Variants in PRKAG1 observed in about 807,000 individuals in gnomAD.
PRKAG1 encodes the protein protein kinase AMP-activated non-catalytic subunit gamma 1.
Under a neutral mutation model 48.2 loss-of-function variants are expected in PRKAG1, and 27 were observed. The ratio of observed to expected loss-of-function variants is 0.56; its 90% CI spans 0.41 to 0.77. The LOEUF is 0.77. PRKAG1 is among the 30% of genes least tolerant of loss of function. The pLI, the probability that PRKAG1 is intolerant of heterozygous loss-of-function variation, is 0.00. For synonymous variants in PRKAG1, 130 were observed against 147.7 expected, an observed-to-expected ratio of 0.88 and a Z score of 0.87; for missense variants, 287 against 398.3, an observed-to-expected ratio of 0.72 and a Z score of 2.38.
intron 2 of PRKAG1, among the ~76,000 whole-genome samples, chr12:49,006,973 AAAAT>A (rs759230482): frequency 1.3e-5 from 2 of 150,236 alleles, no homozygotes; most frequent in African/African-American, 2.5e-5. Context: ...CCGTGTCAAA[AAAAT>A]AAATAAATAA....
intron 1 of PRKAG1, chr12:49,016,792 T>C (rs558300970): frequency 3.6e-5 from 8 of 224,826 alleles, no homozygotes; most frequent in Non-Finnish European, 6.3e-5. Flanking sequence ...GCTATGAACA[T>C]TCCTAAAGGA....
intron 1 of PRKAG1, among the ~76,000 whole-genome samples, chr12:49,014,169 C>A (rs10875911): frequency 0.28 from 42,905 of 152,108 alleles, 6,884 homozygotes; most frequent in East Asian, 0.42. Context: ...CAGGCATGAG[C>A]CACCACGCCC....
chr12:49,009,658 G>C (rs1941680662), intron 2 of PRKAG1, among the ~76,000 whole-genome samples: 1 of 152,070 alleles, frequency 6.6e-6, no homozygotes, highest in Non-Finnish European at 1.5e-5. Flanking sequence ...TGTTGCCCAG[G>C]CTGGAGTGCA....
chr12:49,005,384 CCT>C lies in PRKAG1; in HGVS notation c.251-22_251-21del. On this transcript the variant is annotated intron_variant, in intron 4 of 11. Coordinates refer to ENST00000548065, the MANE Select transcript of PRKAG1 (RefSeq NM_002733.5). The surrounding 1 kb of genome is among the most constrained non-coding windows in gnomAD (Gnocchi z 4.1). ...GCATGCCTAGAGGACAAGACAGAGC[CCT>C]CAGCACTGCCTGAAGCTTGTCTCCC... The C allele has an allele frequency of 6.2e-7, 1 of 1,614,000 alleles. No homozygotes were observed.
chr12:49,003,318 G>A, intron 10 of PRKAG1, 28 bp from the exon 11 acceptor site: 3 of 1,613,512 alleles, frequency 1.9e-6, no homozygotes, highest in Non-Finnish European at 2.5e-6. Flanking sequence ...GGAGCTTGCA[G>A]GGAAGCAAGA....
At chr12:49,004,099 G>A in intron 8 of PRKAG1, 177 bp from the exon 9 acceptor site, 1 of 788,406 alleles carries the variant, frequency 1.3e-6, no homozygotes, top group South Asian at 2.1e-5. Context: ...AGACCAGCCT[G>A]GGCAACATGG....
Position 49,002,710 on chromosome 12 carries a change from G to A in PRKAG1, c.*189C>T. 1.4e-6 allele frequency: 1 copy of A among 703,174 alleles called. No individual in the cohort carries two copies. Among genetic ancestry groups the A allele is most frequent in the Non-Finnish European group, 2.6e-6 (1 of 391,242 alleles). 43.6% of individuals were successfully genotyped at this position (703,174 alleles called of 1,614,324 possible). On this transcript the variant is annotated 3_prime_UTR_variant, in exon 12 of 12. Coordinates refer to ENST00000548065, the MANE Select transcript of PRKAG1 (RefSeq NM_002733.5). ...AAGTTTTTTCAAGTGTATGTGTGAG[G>A]GTAAGGGTAGCTATAAATCCATTCT...
At position 49,002,975 on chromosome 12, in the gene PRKAG1, T is replaced by C. The variant is rs1941348270; in HGVS notation, c.920A>G (p.Asp307Gly). The change falls in exon 12 of 12, where the codon GAT becomes GGT. Residue 307 changes from aspartate to glycine, a missense_variant. Transcript: ENST00000548065. Reference protein sequence around the residue: ...VHRLVVVDENDVVKGIVSLSD... With the variant: ...VHRLVVVDENGVVKGIVSLSD... ...CAGTGATACAATTCCCTTGACCACA[T>C]CATTTTCATCCACCACTACAAGTCG... 2 of 1,614,184 alleles carry C rather than the reference T, an allele frequency of 1.2e-6. No individual in the cohort carries two copies. Among genetic ancestry groups the C allele is most frequent in the East Asian group, 4.5e-5 (2 of 44,876 alleles).
At chr12:49,004,356 C>A (rs1941428501) in intron 8 of PRKAG1, 151 bp downstream of exon 8, 2 of 957,514 alleles carry the variant, frequency 2.1e-6, no homozygotes, top group Admixed American at 2.3e-5. Flanking sequence ...GTAATCCTAG[C>A]ACTTTGGGAG....
rs199635145 is a variant in PRKAG1, at chr12:49,004,594, G to T, written c.450C>A (p.Ile150=). 2 of 1,613,994 alleles carry T rather than the reference G, an allele frequency of 1.2e-6. No individual in the cohort carries two copies. Among genetic ancestry groups the T allele is most frequent in the Non-Finnish European group, 1.7e-6 (2 of 1,180,012 alleles). Residue 150 remains isoleucine, a synonymous_variant, in exon 8 of 12, where the codon ATC becomes ATA. Coordinates refer to ENST00000548065, the MANE Select transcript of PRKAG1 (RefSeq NM_002733.5). ...DAVSSLIRNK[I]HRLPVIDPES... is the part of the protein sequence containing the mutation. The stretch of plus-strand genomic sequence containing the variant: ...CTGGGTCAATAACTGGCAGCCTGTG[G>T]ATCTTGTTCCGAATTAATGAAGAGA...
chr12:49,017,149 G>A (rs1182759157), intron 1 of PRKAG1: 1 of 455,938 alleles, frequency 2.2e-6, no homozygotes, highest in Admixed American at 2.3e-5. Flanking sequence ...TTGCTGGCTT[G>A]CCCTCACCAT....
At chr12:49,008,805 C>CT (rs1255592102) in intron 2 of PRKAG1, among the ~76,000 whole-genome samples, 2 of 152,156 alleles carry the variant, frequency 1.3e-5, no homozygotes, top group African/African-American at 4.8e-5. Flanking sequence ...GCAATTCTGA[C>CT]TTTTTGTATG....
In PRKAG1 at chr12:49,013,065, G is replaced by T. The variant is rs1227613125; in HGVS notation, c.55C>A (p.Gln19Lys). The part of the protein sequence containing the change: ...SSPAVENEHP[Q>K]ETPESNNSVY... The stretch of plus-strand genomic sequence containing the variant: ...TTCCTTTCTTCAGTAAACTTACCTT[G>T]AGGATGCTCATTTTCCACAGCTGGG... Residue 19 changes from glutamine to lysine, a missense_variant, in exon 2 of 12, where the codon CAA becomes AAA. Gln to Lys is a moderately conservative substitution (Grantham distance 53). Transcript: ENST00000548065. 3.1e-6 allele frequency: 5 copies of T among 1,612,504 alleles called. No individual in the cohort carries two copies. The South Asian group carries it at 5.5e-5, about 18-fold the overall frequency.
intron 1 of PRKAG1, chr12:49,017,103 C>T (rs1942006366): frequency 4.4e-6 from 2 of 455,070 alleles, no homozygotes; most frequent in Admixed American, 2.4e-5. Flanking sequence ...ATATTGATGA[C>T]AGCATTTATT....
intron 2 of PRKAG1, among the ~76,000 whole-genome samples, chr12:49,011,366 C>A (rs921619557): frequency 1.3e-5 from 2 of 152,168 alleles, no homozygotes; most frequent in African/African-American, 4.8e-5. Context: ...TCTGCCCAGG[C>A]TGGAGTGCAA....
In PRKAG1 at chr12:49,003,772, C is replaced by A. The variant is rs1275508435; in HGVS notation, c.688G>T (p.Val230Leu). Residue 230 changes from valine to leucine, a missense_variant, in exon 9 of 12, where the codon GTG becomes TTG. Around this residue, in one of 2 missense-constraint regions of PRKAG1, gnomAD observed 224 missense variants for 344.3 expected, o/e 0.65. Coordinates refer to ENST00000548065, the MANE Select transcript of PRKAG1 (RefSeq NM_002733.5). Reference protein sequence around the residue: ...FVQHRVSALPVVDEKGRVVDI... With the variant: ...FVQHRVSALPLVDEKGRVVDI... ...AATCTCTCACCCTTCTCATCCACCA[C>A]TGGCAGGGCTGAGACTCGATGCTGT... 1 of 1,612,798 alleles carries A rather than the reference C, an allele frequency of 6.2e-7. No individual in the cohort carries two copies. Among genetic ancestry groups the A allele is most frequent in the Non-Finnish European group, 8.5e-7 (1 of 1,179,282 alleles).
chr12:49,004,202 G>A, intron 8 of PRKAG1: 4 of 518,188 alleles, frequency 7.7e-6, no homozygotes, highest in Non-Finnish European at 1.3e-5. Flanking sequence ...TGAGGTCGGG[G>A]GTCACCTGAG....
chr12:49,002,699 G>GT lies in PRKAG1; in HGVS notation c.*199dup. 1.5e-6 allele frequency: 1 copy of GT among 681,124 alleles called. No individual in the cohort carries two copies. The highest frequency in any genetic ancestry group is 1.6e-5 in the South Asian group (1 of 64,228). The allele number at this position is 681,124 out of a possible 1,614,324, so 42.2% of individuals were successfully genotyped here. ...GGCTAGGCTGAAAGTTTTTTCAAGT[G>GT]TATGTGTGAGGGTAAGGGTAGCTAT... is the stretch of plus-strand genomic sequence containing the variant. On this transcript the variant is annotated 3_prime_UTR_variant, in exon 12 of 12. Transcript: ENST00000548065.
intron 1 of PRKAG1, among the ~76,000 whole-genome samples, chr12:49,016,991 A>G (rs1942000347): frequency 6.6e-6 from 1 of 152,026 alleles, no homozygotes; most frequent in South Asian, 2.1e-4. Flanking sequence ...ACATACCCCA[A>G]TTTCAGTGCC....
Sources: allele counts gnomAD v4.1 joint callset (sites outside exome capture counted in the v4.1 genomes callset), GRCh38; gene constraint gnomAD v4.1.1; regional missense constraint gnomAD v4.1.1; non-coding constraint Gnocchi (gnomAD v3.1); transcripts MANE v1.5; gene names NCBI Gene and HGNC (gene_info 2026-07-23, HGNC 2026-07-21).